ZNF592: variants seen among roughly 807,000 people sequenced by gnomAD.
ZNF592 encodes spinocerebellar ataxia, autosomal recessive 5.
Under a neutral mutation model 80.3 loss-of-function variants are expected in ZNF592, and 11 were observed. The observed-to-expected ratio is 0.14, with a 90% confidence interval of 0.09 to 0.23. The LOEUF (loss-of-function observed/expected upper bound fraction) is 0.23. Ranked by LOEUF, ZNF592 falls within the 10% of genes least tolerant of loss-of-function variation. The pLI is 1.00. For synonymous variants in ZNF592, 646 were observed against 640.3 expected, an observed-to-expected ratio of 1.01 and a Z score of -0.13; for missense variants, 1,420 against 1,633.9, an observed-to-expected ratio of 0.87 and a Z score of 2.26.
chr15:84,768,224 TTC>T (rs1164408779), intron 2 of ZNF592, among the ~76,000 whole-genome samples: 1 of 147,136 alleles, frequency 6.8e-6, no homozygotes, highest in Non-Finnish European at 1.5e-5. Flanking sequence ...CTTTCTTTCT[TTC>T]TTTCTTTTTT....
In ZNF592 at chr15:84,798,916, C is replaced by G; in HGVS notation, c.3024+41C>G. 1 of 1,598,540 alleles carries G rather than the reference C, an allele frequency of 6.3e-7. No homozygotes were observed. The highest frequency in any genetic ancestry group is 1.1e-5 in the South Asian group (1 of 90,850). On this transcript the variant is annotated intron_variant, in intron 8 of 10. Transcript: ENST00000560079. This position sits in a 1 kb window ranked among gnomAD's most constrained non-coding sequence, Gnocchi z 4.5. The stretch of plus-strand genomic sequence containing the variant: ...CAGTCATAATGCAGAGCCCAGTCCT[C>G]TGGACTTCCTTCTGTGAAGCCAGAA...
At chr15:84,761,498 T>C (rs1427373980) in intron 1 of ZNF592, among the ~76,000 whole-genome samples, 1 of 152,184 alleles carries the variant, frequency 6.6e-6, no homozygotes, top group African/African-American at 2.4e-5. Flanking sequence ...TTCCAGTGCT[T>C]CCAATGTGGT....
chr15:84,790,658 A>G, intron 4 of ZNF592, 47 bp from the exon 5 acceptor site: 2 of 1,603,438 alleles, frequency 1.2e-6, no homozygotes, highest in Non-Finnish European at 1.7e-6. Context: ...GGAGAGCCAC[A>G]GGCCTATGGC....
chr15:84,758,539 A>G (rs1899249884), intron 1 of ZNF592, among the ~76,000 whole-genome samples: 1 of 151,918 alleles, frequency 6.6e-6, no homozygotes, highest in African/African-American at 2.4e-5. Flanking sequence ...CCCTCTTGGC[A>G]TCCCAAAATG....
At chr15:84,771,883 C>T (rs1367293209) in intron 2 of ZNF592, among the ~76,000 whole-genome samples, 1 of 152,108 alleles carries the variant, frequency 6.6e-6, no homozygotes, top group Non-Finnish European at 1.5e-5. Context: ...ATATATACGC[C>T]ATGGAGTCTG....
chr15:84,798,117 A>G lies in ZNF592; in HGVS notation c.2576+72A>G. ...TAGCCTGGGTGCTGTAGGGGGTGGC[A>G]TAGGGATGGGTGAGGGAGCTGGGGT... On this transcript the variant is annotated intron_variant, in intron 6 of 10. Coordinates refer to ENST00000560079, the MANE Select transcript of ZNF592 (RefSeq NM_014630.3). This position sits in a 1 kb window ranked among gnomAD's most constrained non-coding sequence, Gnocchi z 4.5. The G allele has an allele frequency of 1.3e-6, 2 of 1,591,682 alleles. No homozygotes were observed. Among genetic ancestry groups the G allele is most frequent in the Non-Finnish European group, 1.7e-6 (2 of 1,170,294 alleles).
intron 5 of ZNF592, among the ~76,000 whole-genome samples, chr15:84,795,250 A>G (rs1360814012): frequency 6.6e-6 from 1 of 152,214 alleles, no homozygotes; most frequent in Non-Finnish European, 1.5e-5. Context: ...TGTGATTATT[A>G]AAGTTAAATA....
Position 84,805,010 on chromosome 15 carries a change from G to T in ZNF592, c.*2617G>T, listed in dbSNP as rs1442915618. ...ACCACTGTGCTCGTTAGTGACCAAG[G>T]CTGCTTTGACAGGCTGCCAGCTTGT... On this transcript the variant is annotated 3_prime_UTR_variant, in exon 11 of 11. Transcript: ENST00000560079. The T allele has an allele frequency of 1.3e-5, 2 of 152,134 alleles. No homozygotes were observed. The highest frequency in any genetic ancestry group is 2.9e-5 in the Non-Finnish European group (2 of 68,010). 9.4% of individuals were successfully genotyped at this position (152,134 alleles called of 1,614,324 possible). A position where few individuals can be genotyped will look rare whatever the true frequency, so the allele number is the denominator to read the frequency against.
In ZNF592 at chr15:84,798,053, C is replaced by T. The variant is rs1232494438; in HGVS notation, c.2576+8C>T. ...GCCCCACAGACCCTCCCAGTGAGTGCAGCTCCAGGGCCAGCAGGCCCTGTG... is the reference window on the plus strand; with the variant it reads ...GCCCCACAGACCCTCCCAGTGAGTGTAGCTCCAGGGCCAGCAGGCCCTGTG... On this transcript the variant is annotated splice_region_variant and intron_variant, in intron 6 of 10. Coordinates refer to ENST00000560079, the MANE Select transcript of ZNF592 (RefSeq NM_014630.3). The surrounding 1 kb of genome is among the most constrained non-coding windows in gnomAD (Gnocchi z 4.5). The T allele has an allele frequency of 1.2e-6, 2 of 1,613,530 alleles. No individual in the cohort carries two copies. The highest frequency in any genetic ancestry group is 1.7e-6 in the Non-Finnish European group (2 of 1,179,936).
In ZNF592 at chr15:84,780,012, A is replaced by C. The variant is rs1355647095; in HGVS notation, c.-20+1700A>C. The stretch of plus-strand genomic sequence containing the variant: ...TTGTTTTTTTTTTTTTTTGAGTTGG[A>C]GTCTTGGTCTATTGCCCAGGCTGGA... On this transcript the variant is annotated intron_variant, in intron 3 of 10. Coordinates refer to ENST00000560079, the MANE Select transcript of ZNF592 (RefSeq NM_014630.3). 1.4e-4 allele frequency among the ~76,000 whole-genome samples: 14 copies of C among 103,574 alleles called. No individual in the cohort carries two copies. In the Admixed American group the frequency reaches 1.6e-3, roughly 12 times the overall value. 67.9% of individuals were successfully genotyped at this position (103,574 alleles called of 152,430 possible).
chr15:84,766,040 G>T (rs1185507529), intron 2 of ZNF592, among the ~76,000 whole-genome samples: 7 of 149,990 alleles, frequency 4.7e-5, no homozygotes, highest in African/African-American at 1.5e-4. Flanking sequence ...TTGAGACAGG[G>T]TCTCACTCTG....
chr15:84,766,546 G>A (rs1197826804), intron 2 of ZNF592, among the ~76,000 whole-genome samples: 4 of 152,068 alleles, frequency 2.6e-5, no homozygotes, highest in African/African-American at 7.2e-5. Flanking sequence ...GTTGAGAGGG[G>A]AAGGAGAGAA....
Position 84,783,484 on chromosome 15 carries a change from C to T in ZNF592, c.809C>T (p.Pro270Leu), listed in dbSNP as rs372605775. The T allele has an allele frequency of 7.3e-5, 118 of 1,614,072 alleles. No homozygotes were observed. The highest frequency in any genetic ancestry group is 9.4e-5 in the Non-Finnish European group (111 of 1,180,024). The change falls in exon 4 of 11, where the codon CCT (proline) becomes CTT (leucine). Residue 270 changes from proline (P) to leucine (L), a missense_variant. Around this residue, in one of 7 missense-constraint regions of ZNF592, gnomAD observed 373 missense variants for 355.5 expected, o/e 1.05. Transcript: ENST00000560079. This position sits in a 1 kb window ranked among gnomAD's most constrained non-coding sequence, Gnocchi z 5.0. ...RELGTCSSVP[P>L]RQRLKPAHSK... ...CTTGGTACCTGCTCATCAGTCCCCC[C>T]TAGGCAGCGTCTAAAGCCAGCTCAT...
intron 4 of ZNF592, among the ~76,000 whole-genome samples, chr15:84,790,194 G>C (rs1206469288): frequency 6.6e-6 from 1 of 151,110 alleles, no homozygotes; most frequent in Non-Finnish European, 1.5e-5. Context: ...TTTATTGAGA[G>C]CCTTCTGAGT....
At chr15:84,750,684 C>A (rs536280355) in intron 1 of ZNF592, among the ~76,000 whole-genome samples, 1 of 151,914 alleles carries the variant, frequency 6.6e-6, no homozygotes, top group Non-Finnish European at 1.5e-5. Context: ...GGTAAGAGAC[C>A]GATTTGAGTT....
Position 84,764,770 on chromosome 15 carries a change from C to T in ZNF592, c.-195C>T, listed in dbSNP as rs1899452811. On this transcript the variant is annotated 5_prime_UTR_variant, in exon 2 of 11. Coordinates refer to ENST00000560079, the MANE Select transcript of ZNF592 (RefSeq NM_014630.3). The stretch of plus-strand genomic sequence containing the variant: ...TTTTTCCTTTCTCCGCAGCTCTGCT[C>T]CCCTAGCAACGCTCGCCACACCCTT... 1 of 398,824 alleles carries T rather than the reference C, an allele frequency of 2.5e-6. No homozygotes were observed. The highest frequency in any genetic ancestry group is 1.3e-4 in the South Asian group (1 of 7,846). The allele number at this position is 398,824 out of a possible 1,614,324, so 24.7% of individuals were successfully genotyped here. A position where few individuals can be genotyped will look rare whatever the true frequency, so the allele number is the denominator to read the frequency against.
rs748840281 is a variant in ZNF592, at chr15:84,784,531, T to C, written c.1856T>C (p.Leu619Pro). 1 of 1,614,184 alleles carries C rather than the reference T, an allele frequency of 6.2e-7. No individual in the cohort carries two copies. Among genetic ancestry groups the C allele is most frequent in the South Asian group, 1.1e-5 (1 of 91,088 alleles). ...GTCCACATTGAGGTACTGTGCACAC[T>C]GTGCTCCAAGACGCTGCTCTTCTTC... ...RSVHIEVLCT[L>P]CSKTLLFFNK... is the part of the protein sequence containing the mutation. The change falls in exon 4 of 11, where the codon CTG becomes CCG. Residue 619 changes from leucine to proline, a missense_variant. Leu to Pro is a moderately conservative substitution (Grantham distance 98, BLOSUM62 -3). Coordinates refer to ENST00000560079, the MANE Select transcript of ZNF592 (RefSeq NM_014630.3). This position sits in a 1 kb window ranked among gnomAD's most constrained non-coding sequence, Gnocchi z 5.8.
chr15:84,795,170 ATAAT>A (rs1474039392), intron 5 of ZNF592, among the ~76,000 whole-genome samples: 1 of 151,938 alleles, frequency 6.6e-6, no homozygotes, highest in Non-Finnish European at 1.5e-5. Flanking sequence ...TTCTTTATTA[ATAAT>A]TTGGAGAATG....
chr15:84,756,196 C>G (rs184949202), intron 1 of ZNF592, among the ~76,000 whole-genome samples: 1 of 152,300 alleles, frequency 6.6e-6, no homozygotes. Context: ...AGGGGTTTAG[C>G]TCATACTAGG....
Sources: gnomAD v4.1 joint callset for allele counts (sites outside exome capture counted in the v4.1 genomes callset) on GRCh38, gnomAD v4.1.1 for gene constraint, gnomAD v4.1.1 regional missense constraint, Gnocchi (gnomAD v3.1) non-coding constraint, MANE v1.5 for transcripts, NCBI Gene and HGNC (gene_info 2026-07-23, HGNC 2026-07-21) for gene names.